UBA52: variants seen among roughly 807,000 people sequenced by gnomAD.
UBA52 encodes ubiquitin A-52 residue ribosomal protein fusion product 1.
UBA52 carries 1 observed loss-of-function variant against 15.3 expected under a neutral mutation model. The ratio of observed to expected loss-of-function variants is 0.07; its 90% CI spans 0.02 to 0.31. UBA52 has a LOEUF of 0.31. Among genes scored for constraint, UBA52 ranks in the 10% least tolerant of loss-of-function variants. The probability of loss-of-function intolerance (pLI) is 1.00; values close to 1 mark genes in which losing one functional copy is unlikely to be tolerated. For missense variants in UBA52, 87 were observed against 168.0 expected, an observed-to-expected ratio of 0.52 and a Z score of 2.66; for synonymous variants, 50 against 58.3, an observed-to-expected ratio of 0.86 and a Z score of 0.65.
intron 1 of UBA52, chr19:18,573,071 C>CA: frequency 7.7e-7 from 1 of 1,305,948 alleles, no homozygotes; most frequent in Non-Finnish European, 1.0e-6. Context: ...GGGTGGAGGA[C>CA]ATGTGGTCTT....
the UBA52 span, chr19:18,565,099 C>T: frequency 6.4e-7 from 1 of 1,571,694 alleles, no homozygotes; most frequent in Admixed American, 1.7e-5. Flanking sequence ...CCTTCACATA[C>T]CAGGGTAAAG....
At chr19:18,564,990 C>T in the UBA52 span, 13 of 1,609,184 alleles carry the variant, frequency 8.1e-6, no homozygotes, top group South Asian at 3.3e-5. Context: ...AGAGATGAAA[C>T]GGGACCTGGA....
At chr19:18,571,310 CAAAAA>C (rs756456955), upstream of UBA52, among the ~76,000 whole-genome samples, 4 of 108,248 alleles carry the variant, frequency 3.7e-5, no homozygotes, top group Non-Finnish European at 7.3e-5. Flanking sequence ...AACTCCGTCT[CAAAAA>C]AAAAAAAAAA....
intron 1 of UBA52, chr19:18,572,992 C>T: frequency 9.0e-6 from 11 of 1,215,666 alleles, no homozygotes; most frequent in Non-Finnish European, 1.1e-5. Flanking sequence ...ACTGACGAGT[C>T]CTTCCGCCGC....
At chr19:18,567,310 G>T (rs1216441655), upstream of UBA52, 1 of 905,846 alleles carries the variant, frequency 1.1e-6, no homozygotes, top group Non-Finnish European at 1.8e-6. Context: ...GGAAACCTGG[G>T]GTGGGGGCAG....
At chr19:18,567,295 T>G (rs1488005255), upstream of UBA52, 1 of 1,087,436 alleles carries the variant, frequency 9.2e-7, no homozygotes, top group Non-Finnish European at 1.4e-6. Flanking sequence ...GGGCAGTGGG[T>G]CTGGGGAAAC....
upstream of UBA52, among the ~76,000 whole-genome samples, chr19:18,566,954 G>T (rs1006448072): frequency 2.6e-5 from 4 of 152,200 alleles, no homozygotes; most frequent in Non-Finnish European, 5.9e-5. Flanking sequence ...CGACTGTCAG[G>T]GCCGTGGCTG....
At chr19:18,575,035 C>T (rs1372824818) in intron 4 of UBA52, 22 bp from the exon 5 acceptor site, 1 of 1,614,094 alleles carries the variant, frequency 6.2e-7, no homozygotes, top group Admixed American at 1.7e-5. Context: ...TGCCCTCACC[C>T]ACCCCTCCTG....
At chr19:18,574,579 G>C (rs1428250846) in intron 3 of UBA52, among the ~76,000 whole-genome samples, 3 of 152,160 alleles carry the variant, frequency 2.0e-5, no homozygotes, top group Admixed American at 6.5e-5. Context: ...GACCTTGCCT[G>C]AACCACTTAG....
chr19:18,564,430 G>C, the UBA52 span, among the ~76,000 whole-genome samples: 88 of 152,158 alleles, frequency 5.8e-4, no homozygotes, highest in East Asian at 0.016. Context: ...GACCATCCTG[G>C]CTAACCTGGT....
chr19:18,565,009 T>C, the UBA52 span: 1 of 1,601,796 alleles, frequency 6.2e-7, no homozygotes. Flanking sequence ...GACAGCATCT[T>C]CCGCCGTATC....
chr19:18,573,248 G>C, intron 1 of UBA52, 45 bp from the exon 2 acceptor site: 3 of 1,568,852 alleles, frequency 1.9e-6, no homozygotes, highest in Non-Finnish European at 2.6e-6. Context: ...TGCTACTCAG[G>C]CATGCATTGC....
intron 3 of UBA52, among the ~76,000 whole-genome samples, chr19:18,574,122 A>G (rs894192176): frequency 2.6e-5 from 4 of 151,954 alleles, no homozygotes; most frequent in Non-Finnish European, 5.9e-5. Flanking sequence ...CATCTCTACT[A>G]AAAATACAAA....
At chr19:18,568,296 AC>A (rs1393026335), upstream of UBA52, 10 of 756,792 alleles carry the variant, frequency 1.3e-5, no homozygotes, top group Non-Finnish European at 2.0e-5. Flanking sequence ...GTCAAGTCAT[AC>A]CCCCATGGGG....
At chr19:18,567,160 C>T, upstream of UBA52, 1 of 1,614,186 alleles carries the variant, frequency 6.2e-7, no homozygotes, top group Non-Finnish European at 8.5e-7. Context: ...GGCCAGGCAG[C>T]ACCCAGAGGC....
rs1274506411 is a variant in UBA52 at position 18,575,574 on chromosome 19, T to C, written c.*424T>C. On this transcript the variant is annotated 3_prime_UTR_variant, in exon 5 of 5. Transcript: ENST00000442744. ...AGAAAATTAGGTACACCCAATGGTG[T>C]AGAACGTTGATTCTCAAATTTTTTT... 4.8e-6 allele frequency: 1 copy of C among 207,262 alleles called. No individual in the cohort carries two copies. The allele number at this position is 207,262 out of a possible 1,614,324, so 12.8% of individuals were successfully genotyped here.
chr19:18,566,566 A>G, the UBA52 span, among the ~76,000 whole-genome samples: 2 of 152,018 alleles, frequency 1.3e-5, no homozygotes, highest in African/African-American at 4.8e-5. Flanking sequence ...TGACGCAGGC[A>G]GATCACCTGA....
At chr19:18,568,924 T>A (rs942696021), upstream of UBA52, 1 of 449,422 alleles carries the variant, frequency 2.2e-6, no homozygotes, top group African/African-American at 2.0e-5. Context: ...TTTCCAGAGC[T>A]GAGCCTGACG....
At chr19:18,568,450 C>T (rs1365051526), upstream of UBA52, 2 of 1,614,076 alleles carry the variant, frequency 1.2e-6, no homozygotes, top group Non-Finnish European at 1.7e-6. Context: ...GACCCCATCC[C>T]ACCCAGCACC....
Sources: allele counts gnomAD v4.1 joint callset (sites outside exome capture counted in the v4.1 genomes callset), GRCh38; gene constraint gnomAD v4.1.1; transcripts MANE v1.5; gene names NCBI Gene and HGNC (gene_info 2026-07-23, HGNC 2026-07-21).